The following AHNAK variants were observed in gnomAD, a reference collection of about 807,000 sequenced individuals.
AHNAK encodes the protein neuroblast differentiation-associated protein AHNAK.
Under a neutral mutation model 37.8 loss-of-function variants are expected in AHNAK, and 23 were observed. The observed-to-expected ratio is 0.61, with a 90% CI of 0.44 to 0.86. AHNAK has a LOEUF of 0.86. AHNAK is among the 40% of genes least tolerant of loss of function. The probability of loss-of-function intolerance (pLI) is 0.00; values close to 1 mark genes in which losing one functional copy is unlikely to be tolerated. For synonymous variants in AHNAK, 2,481 were observed against 2,636.3 expected (o/e 0.94, Z 1.80); for missense variants, 7,411 against 7,319.4 (o/e 1.01, Z -0.46).
Position 62,470,351 on chromosome 11 carries a change from C to T in AHNAK, c.442+21381G>A, listed in dbSNP as rs139170615. Among the ~76,000 whole-genome samples the T allele has an allele frequency of 4.1e-3, 616 of 152,022 alleles. 3 individuals carry two copies. Among genetic ancestry groups the T allele is most frequent in the Non-Finnish European group, 6.3e-3 (427 of 68,004 alleles). On this transcript the variant is annotated intron_variant, in intron 5 of 5. Coordinates refer to the AHNAK transcript ENST00000257247. ...ATCCCAGCTACTCAGGAGGTTGAGG[C>T]AAGAGAATCGCTTGAACCCGGGAGG...
At chr11:62,470,572 C>T (rs973261338) in intron 5 of AHNAK, among the ~76,000 whole-genome samples, 7 of 152,310 alleles carry the variant, frequency 4.6e-5, no homozygotes, top group Non-Finnish European at 1.0e-4. Context: ...CGCCACTGCA[C>T]TCCAGCCTGG....
chr11:62,439,664 G>GTTTTTTTTTTTTTTTTTTTTTTT (rs1565194563), intron 5 of AHNAK, among the ~76,000 whole-genome samples: 1 of 126,420 alleles, frequency 7.9e-6, no homozygotes. Context: ...ATTTTTGTGT[G>GTTTTTTTTTTTTTTTTTTTTTTT]ATTTTTTTTT....
chr11:62,518,084 G>T lies in AHNAK; in HGVS notation c.16333C>A (p.Pro5445Thr). ...GPGVDVNLKG[P>T]RISAPNVDFN... ...TCCACATTCGGTGCTGAAATCCGAG[G>T]CCCTTTCAGGTTCACATCCACACCT... The change falls in exon 5 of 5, where the codon CCT becomes ACT. Residue 5445 changes from proline (P) to threonine (T), a missense_variant. Transcript: ENST00000378024. 1 of 1,614,144 alleles carries T rather than the reference G, an allele frequency of 6.2e-7. No homozygotes were observed. The highest frequency in any genetic ancestry group is 8.5e-7 in the Non-Finnish European group (1 of 1,180,018).
At chr11:62,446,521 T>A (rs1272616051) in intron 5 of AHNAK, among the ~76,000 whole-genome samples, 3 of 152,116 alleles carry the variant, frequency 2.0e-5, no homozygotes, top group Non-Finnish European at 4.4e-5. Context: ...GGACTGGGGT[T>A]TTCTAAAGAG....
Position 62,535,097 on chromosome 11 carries a change from CCCA to C in AHNAK, c.245_247del (p.Val82del). 6.2e-7 allele frequency: 1 copy of C among 1,613,996 alleles called. No homozygotes were observed. The highest frequency in any genetic ancestry group is 8.5e-7 in the Non-Finnish European group (1 of 1,179,938). On this transcript the variant is annotated inframe_deletion, in exon 4 of 5. Transcript: ENST00000378024. ...GTCCCCCTTGCGGTGCAGCTTCAGG[CCCA>C]CCGTGTGGTGCCCCATGGTGTTCAG...
intron 4 of AHNAK, among the ~76,000 whole-genome samples, chr11:62,503,455 C>T (rs966737239): frequency 3.3e-5 from 5 of 151,772 alleles, no homozygotes; most frequent in African/African-American, 1.2e-4. Flanking sequence ...TGGTGGCGGG[C>T]GCCTGTAATC....
intron 4 of AHNAK, among the ~76,000 whole-genome samples, chr11:62,502,464 G>A (rs762431838): frequency 4.6e-5 from 7 of 152,154 alleles, no homozygotes; most frequent in Non-Finnish European, 1.0e-4. Flanking sequence ...AGCACCAGTC[G>A]CTGAGGGGAA....
At chr11:62,446,846 C>A (rs1233023990) in intron 5 of AHNAK, among the ~76,000 whole-genome samples, 1 of 152,036 alleles carries the variant, frequency 6.6e-6, no homozygotes, top group Non-Finnish European at 1.5e-5. Context: ...CTCACCAGCT[C>A]CTTTTGCTCA....
chr11:62,510,302 C>A (rs1437030020), intron 4 of AHNAK, among the ~76,000 whole-genome samples: 2 of 151,970 alleles, frequency 1.3e-5, no homozygotes, highest in Non-Finnish European at 2.9e-5. Flanking sequence ...CCTCAGCCTC[C>A]CAAAGTGCTG....
chr11:62,460,987 A>ATTTTTTTTTTTT (rs58443970), intron 5 of AHNAK, among the ~76,000 whole-genome samples: 22 of 103,622 alleles, frequency 2.1e-4, no homozygotes, highest in Admixed American at 3.5e-4. Flanking sequence ...GGCCTGGCTA[A>ATTTTTTTTTTTT]TTTTTTTTTT....
intron 1 of AHNAK, chr11:62,537,391 G>C (rs955353064): frequency 1.3e-5 from 2 of 152,136 alleles, no homozygotes; most frequent in Admixed American, 1.3e-4. Flanking sequence ...CAAGTAGCTC[G>C]GACCACAGCC....
chr11:62,529,229 G>T lies in AHNAK; in HGVS notation c.5188C>A (p.Pro1730Thr). 1 of 1,614,060 alleles carries T rather than the reference G, an allele frequency of 6.2e-7. No individual in the cohort carries two copies. The highest frequency in any genetic ancestry group is 1.1e-5 in the South Asian group (1 of 91,078). ...FSMPGFKAEGPEVDVNLPKAD... is the reference protein window; with the variant it reads ...FSMPGFKAEGTEVDVNLPKAD... Reference sequence around the variant, plus strand: ...TTTGGCAGATTCACATCCACTTCAGGGCCCTCTGCTTTGAAGCCAGGCATA... The same window carrying T: ...TTTGGCAGATTCACATCCACTTCAGTGCCCTCTGCTTTGAAGCCAGGCATA... The change falls in exon 5 of 5, where the codon CCT (proline) becomes ACT (threonine). Residue 1730 changes from proline (P) to threonine (T), a missense_variant. Pro to Thr is a conservative substitution (Grantham distance 38, BLOSUM62 -1). Coordinates refer to ENST00000378024, the MANE Select transcript of AHNAK (RefSeq NM_001620.3).
At chr11:62,484,221 A>AT (rs930504887) in intron 5 of AHNAK, among the ~76,000 whole-genome samples, 3 of 150,390 alleles carry the variant, frequency 2.0e-5, no homozygotes, top group African/African-American at 2.5e-5. Context: ...TACAAAAAAA[A>AT]TTTTTTTTTA....
chr11:62,441,003 A>AT (rs779690005), intron 5 of AHNAK, among the ~76,000 whole-genome samples: 4,091 of 144,490 alleles, frequency 0.028, 151 homozygotes, highest in African/African-American at 0.089. Flanking sequence ...CGTCTGTATA[A>AT]TTTTTTTTTT....
chr11:62,527,368 C>A lies in AHNAK; in HGVS notation c.7049G>T (p.Gly2350Val). The change falls in exon 5 of 5, where the codon GGT becomes GTT. Residue 2350 changes from glycine (G) to valine (V), a missense_variant. Coordinates refer to ENST00000378024, the MANE Select transcript of AHNAK (RefSeq NM_001620.3). ...TGGCATGTCAGCATCTAATTTGGGA[C>A]CTTTGACATCCAATTCTGGACCTTT... ...ELKGPELDVK[G>V]PKLDADMPEV... 2.5e-6 allele frequency: 4 copies of A among 1,614,136 alleles called. No homozygotes were observed. Among genetic ancestry groups the A allele is most frequent in the East Asian group, 2.2e-5 (1 of 44,882 alleles).
At position 62,525,019 on chromosome 11, in the gene AHNAK, T is replaced by C; in HGVS notation, c.9398A>G (p.Asp3133Gly). ...PDVDIKGPKV[D>G]INAPDVDVQG... ...AACATCCACATCTGGGGCATTAATA[T>C]CCACTTTGGGGCCTTTAATATCCAC... Residue 3133 changes from aspartate to glycine, a missense_variant, in exon 5 of 5, where the codon GAT becomes GGT. Transcript: ENST00000378024. 6.2e-7 allele frequency: 1 copy of C among 1,613,666 alleles called. No individual in the cohort carries two copies. Among genetic ancestry groups the C allele is most frequent in the Non-Finnish European group, 8.5e-7 (1 of 1,179,940 alleles).
chr11:62,543,205 G>A (rs1941190935), intron 1 of AHNAK, among the ~76,000 whole-genome samples: 1 of 152,188 alleles, frequency 6.6e-6, no homozygotes, highest in Non-Finnish European at 1.5e-5. Flanking sequence ...AAGGCTTCTG[G>A]ACACAAACTG....
At chr11:62,455,335 T>C (rs1938632904) in intron 5 of AHNAK, among the ~76,000 whole-genome samples, 1 of 152,082 alleles carries the variant, frequency 6.6e-6, no homozygotes, top group Admixed American at 6.6e-5. Flanking sequence ...CCTGATCCCA[T>C]GAAGGCTGGG....
In AHNAK at chr11:62,494,514, C is replaced by T. The variant is rs187682018; in HGVS notation, c.343-2683G>A. Among the ~76,000 whole-genome samples the T allele has an allele frequency of 4.0e-3, 606 of 152,078 alleles. 5 individuals carry two copies. The highest frequency in any genetic ancestry group is 5.9e-3 in the Non-Finnish European group (398 of 68,028). ...AGTACTACTACTACCCCGTTTTACA[C>T]AAGAAGAAACTGAAGTACAGAGAGC... On this transcript the variant is annotated intron_variant, in intron 4 of 5. Coordinates refer to the AHNAK transcript ENST00000257247.
Sources: allele counts gnomAD v4.1 joint callset (sites outside exome capture counted in the v4.1 genomes callset), GRCh38; gene constraint gnomAD v4.1.1; transcripts MANE v1.5; gene names NCBI Gene and HGNC (gene_info 2026-07-23, HGNC 2026-07-21).